IGF1R: variants seen among roughly 807,000 people sequenced by gnomAD.
The protein encoded by IGF1R is insulin like growth factor 1 receptor, also known as insulin-like growth factor 1 receptor.
Under a neutral mutation model 144.6 loss-of-function variants are expected in IGF1R, and 44 were observed. The ratio of observed to expected loss-of-function variants is 0.30; its 90% CI spans 0.24 to 0.39. The LOEUF is 0.39. IGF1R is among the 10% of genes least tolerant of loss of function. IGF1R has a pLI of 1.00. For synonymous variants in IGF1R, 795 were observed against 722.8 expected (o/e 1.10, Z -1.60); for missense variants, 1,355 against 1,833.7 (o/e 0.74, Z 4.77).
chr15:98,746,910 C>A (rs1245563573), intron 2 of IGF1R, among the ~76,000 whole-genome samples: 1 of 152,160 alleles, frequency 6.6e-6, no homozygotes, highest in Non-Finnish European at 1.5e-5. Context: ...CAAAGAAACT[C>A]TGACACATGG....
At chr15:98,660,081 C>G (rs950970669) in intron 1 of IGF1R, 1 of 152,200 alleles carries the variant, frequency 6.6e-6, no homozygotes, top group Non-Finnish European at 1.5e-5. Flanking sequence ...GTGTCAAAAG[C>G]CTTAAACCTG....
chr15:98,701,354 T>C (rs1371676452), intron 1 of IGF1R, among the ~76,000 whole-genome samples: 1 of 88,936 alleles, frequency 1.1e-5, no homozygotes, highest in African/African-American at 4.8e-5. Flanking sequence ...TTTTTTTTTT[T>C]GAGATGGAGT....
intron 19 of IGF1R, among the ~76,000 whole-genome samples, chr15:98,947,865 T>C (rs1339875168): frequency 6.6e-6 from 1 of 152,150 alleles, no homozygotes; most frequent in Non-Finnish European, 1.5e-5. Context: ...CCCAGCTCTG[T>C]TGTGGGTGGG....
chr15:98,668,706 C>T (rs556519364), intron 1 of IGF1R, among the ~76,000 whole-genome samples: 1 of 152,320 alleles, frequency 6.6e-6, no homozygotes, highest in South Asian at 2.1e-4. Flanking sequence ...TCTGAAAACT[C>T]TGTTCCATGT....
chr15:98,705,587 G>A (rs773004401), intron 1 of IGF1R, among the ~76,000 whole-genome samples: 1 of 152,164 alleles, frequency 6.6e-6, no homozygotes. Flanking sequence ...ATGATATGAA[G>A]TTTCACATTC....
At chr15:98,813,854 C>A (rs564269081) in intron 2 of IGF1R, among the ~76,000 whole-genome samples, 1 of 152,316 alleles carries the variant, frequency 6.6e-6, no homozygotes, top group East Asian at 1.9e-4. Flanking sequence ...GCTGAAGACA[C>A]ACGAACCCCT....
intron 1 of IGF1R, among the ~76,000 whole-genome samples, chr15:98,691,761 C>A (rs2053482630): frequency 1.3e-5 from 2 of 152,190 alleles, no homozygotes; most frequent in Admixed American, 1.3e-4. Context: ...CATGACCTAT[C>A]ACCATTGTTG....
chr15:98,922,614 G>A (rs538154806), intron 11 of IGF1R, among the ~76,000 whole-genome samples, 183 bp downstream of exon 11: 1 of 152,276 alleles, frequency 6.6e-6, no homozygotes, highest in South Asian at 2.1e-4. Flanking sequence ...CAGAGCCCAC[G>A]CTCTCCTAGT....
At chr15:98,820,880 C>T (rs922944157) in intron 2 of IGF1R, 1 of 152,172 alleles carries the variant, frequency 6.6e-6, no homozygotes, top group African/African-American at 2.4e-5. Flanking sequence ...TGAATTTTTT[C>T]TTTAAGTATC....
chr15:98,733,312 C>G (rs2054537331), intron 2 of IGF1R, among the ~76,000 whole-genome samples: 1 of 152,030 alleles, frequency 6.6e-6, no homozygotes, highest in Admixed American at 6.5e-5. Flanking sequence ...CCTCCTGCCT[C>G]TGGGCTCAAG....
chr15:98,916,714 T>C lies in IGF1R; in HGVS notation c.2039T>C (p.Ile680Thr). 2.5e-6 allele frequency: 4 copies of C among 1,613,982 alleles called. No homozygotes were observed. Among genetic ancestry groups the C allele is most frequent in the Non-Finnish European group, 3.4e-6 (4 of 1,180,002 alleles). The change falls in exon 10 of 21, where the codon ATT (isoleucine) becomes ACT (threonine). Residue 680 changes from isoleucine to threonine, a missense_variant. By Grantham distance (89) the Ile-to-Thr change is moderately conservative. Coordinates refer to ENST00000650285, the MANE Select transcript of IGF1R (RefSeq NM_000875.5). ...AAGTATGCCGACGGCACCATCGACA[T>C]TGAGGAGGTCACAGAGAACCCCAAG... Reference protein sequence around the residue: ...IRKYADGTIDIEEVTENPKTE... With the variant: ...IRKYADGTIDTEEVTENPKTE...
At chr15:98,735,242 G>A (rs1364521393) in intron 2 of IGF1R, among the ~76,000 whole-genome samples, 1 of 152,116 alleles carries the variant, frequency 6.6e-6, no homozygotes, top group Non-Finnish European at 1.5e-5. Context: ...CATTTCCCAG[G>A]GAAGAAAGCC....
chr15:98,784,038 AGT>A (rs1231723481), intron 2 of IGF1R, among the ~76,000 whole-genome samples: 4 of 128,426 alleles, frequency 3.1e-5, no homozygotes, highest in African/African-American at 1.2e-4. Flanking sequence ...GCAATGGCGC[AGT>A]CTCAGCTCAC....
intron 2 of IGF1R, 114 bp downstream of exon 2, chr15:98,708,221 T>TG (rs1448565067): frequency 7.5e-6 from 7 of 928,278 alleles, no homozygotes; most frequent in Non-Finnish European, 8.6e-6. Flanking sequence ...GCAGTCGTGT[T>TG]GCATTTAGGA....
chr15:98,699,446 C>G (rs45619235), intron 1 of IGF1R, among the ~76,000 whole-genome samples: 1 of 151,944 alleles, frequency 6.6e-6, no homozygotes, highest in Admixed American at 6.6e-5. Flanking sequence ...ATATGGAGAC[C>G]TAGAATATTG....
chr15:98,675,198 A>AG (rs1426979254), intron 1 of IGF1R, among the ~76,000 whole-genome samples: 2 of 152,256 alleles, frequency 1.3e-5, no homozygotes, highest in African/African-American at 4.8e-5. Context: ...CATGTTGGCC[A>AG]GGCTGGTCTC....
At chr15:98,896,735 T>A in intron 3 of IGF1R, 22 bp from the exon 4 acceptor site, 2 of 1,531,174 alleles carry the variant, frequency 1.3e-6, no homozygotes. Context: ...GTGTTTTTGA[T>A]TTTTTTTTTC....
chr15:98,746,825 G>A (rs1012059708), intron 2 of IGF1R, among the ~76,000 whole-genome samples: 1 of 152,146 alleles, frequency 6.6e-6, no homozygotes, highest in Admixed American at 6.5e-5. Context: ...GGGCTAAATG[G>A]GTGTGTGTTG....
At chr15:98,681,708 T>C (rs1405736027) in intron 1 of IGF1R, among the ~76,000 whole-genome samples, 2 of 152,222 alleles carry the variant, frequency 1.3e-5, no homozygotes, top group Non-Finnish European at 2.9e-5. Flanking sequence ...AGTGGAATTT[T>C]ACCCTGTGTA....
Sources: allele counts gnomAD v4.1 joint callset (sites outside exome capture counted in the v4.1 genomes callset), GRCh38; gene constraint gnomAD v4.1.1; transcripts MANE v1.5; gene names NCBI Gene and HGNC (gene_info 2026-07-23, HGNC 2026-07-21).